Variants in BIRC6 observed in about 807,000 individuals in gnomAD.
The protein encoded by BIRC6 is baculoviral IAP repeat containing 6, also known as dual E2 ubiquitin-conjugating enzyme/E3 ubiquitin-protein ligase BIRC6.
In BIRC6, 98 loss-of-function variants were observed where a neutral mutation model predicts 503.3. The ratio of observed to expected loss-of-function variants is 0.19; its 90% CI spans 0.17 to 0.23. BIRC6 has a LOEUF of 0.23. Ranked by LOEUF, BIRC6 falls within the 10% of genes least tolerant of loss-of-function variation. BIRC6 has a pLI of 1.00. For missense variants in BIRC6, 5,360 were observed against 5,806.0 expected, an observed-to-expected ratio of 0.92 and a Z score of 2.50; for synonymous variants, 2,240 against 2,078.7, an observed-to-expected ratio of 1.08 and a Z score of -2.11.
intron 36 of BIRC6, 104 bp downstream of exon 36, chr2:32,478,922 C>G (rs976666527): frequency 7.3e-6 from 8 of 1,097,392 alleles, no homozygotes; most frequent in Admixed American, 5.2e-5. Context: ...TCTTTAACCC[C>G]CTAAAAGCAT....
intron 66 of BIRC6, among the ~76,000 whole-genome samples, chr2:32,592,109 G>A (rs546080249): frequency 6.6e-5 from 10 of 152,164 alleles, no homozygotes; most frequent in East Asian, 1.9e-4. Context: ...GTCTTCAGAC[G>A]TACACTATAC....
rs372162430 is a variant in BIRC6 at position 32,515,115 on chromosome 2, G to T, written c.10694G>T (p.Gly3565Val). ...NYFSLLMGWM[G>V]ITPPPVQCHH... ...TTTTCTTTGCTCATGGGCTGGATGG[G>T]AATTACCCCTCCTCCAGTGCAATGT... Residue 3565 changes from glycine to valine, a missense_variant, in exon 55 of 74, where the codon GGA becomes GTA. By Grantham distance (109) the Gly-to-Val change is moderately radical. Coordinates refer to ENST00000421745, the MANE Select transcript of BIRC6 (RefSeq NM_016252.4). The T allele has an allele frequency of 1.2e-6, 2 of 1,613,766 alleles. No individual in the cohort carries two copies. The highest frequency in any genetic ancestry group is 2.7e-5 in the African/African-American group (2 of 74,878).
intron 1 of BIRC6, among the ~76,000 whole-genome samples, chr2:32,371,629 C>T (rs796586026): frequency 2.8e-4 from 43 of 152,034 alleles, no homozygotes; most frequent in Admixed American, 6.6e-4. Flanking sequence ...GCAATCCGCC[C>T]GCCTCGGCCT....
At chr2:32,447,745 G>T (rs550780350) in intron 21 of BIRC6, among the ~76,000 whole-genome samples, 9 of 40,992 alleles carry the variant, frequency 2.2e-4, no homozygotes, top group African/African-American at 1.1e-3. Context: ...GACTGGCCGG[G>T]CAGAGGGGCT....
intron 65 of BIRC6, among the ~76,000 whole-genome samples, chr2:32,552,517 G>A (rs927829243): frequency 7.2e-5 from 11 of 152,266 alleles, no homozygotes; most frequent in African/African-American, 2.6e-4. Context: ...ATTGTTAGTT[G>A]TAAAATTATT....
In BIRC6 at chr2:32,357,821, G is replaced by GGA. The variant is rs538857485; in HGVS notation, c.325+339_325+340dup. On this transcript the variant is annotated intron_variant, in intron 1 of 73. Transcript: ENST00000421745. The surrounding 1 kb of genome is among the most constrained non-coding windows in gnomAD (Gnocchi z 4.9). The stretch of plus-strand genomic sequence containing the variant: ...AGGAAGCGAGGCCCGGGTAGGCCCT[G>GGA]GAGAGGCTGTCGGTCCTGCGTCCGG... Among the ~76,000 whole-genome samples, 72 of 152,252 alleles carry GGA rather than the reference G, an allele frequency of 4.7e-4. No homozygotes were observed. In the East Asian group the frequency reaches 0.012, roughly 25 times the overall value.
At chr2:32,616,560 CAA>C (rs201587938) in intron 73 of BIRC6, among the ~76,000 whole-genome samples, 689 of 99,078 alleles carry the variant, frequency 7.0e-3, no homozygotes, top group African/African-American at 0.02. Context: ...ACCTTGTTCT[CAA>C]AAAAAAAAAA....
At chr2:32,411,678 A>G (rs185967387) in intron 9 of BIRC6, among the ~76,000 whole-genome samples, 1 of 151,788 alleles carries the variant, frequency 6.6e-6, no homozygotes, top group Non-Finnish European at 1.5e-5. Flanking sequence ...GGGTTTCACC[A>G]TGTTGGAGAG....
intron 65 of BIRC6, among the ~76,000 whole-genome samples, chr2:32,568,113 A>G (rs944027625): frequency 2.0e-5 from 3 of 152,156 alleles, no homozygotes; most frequent in African/African-American, 7.2e-5. Context: ...CTCCGTCTCA[A>G]AAAACAAACA....
intron 56 of BIRC6, 129 bp from the exon 57 acceptor site, chr2:32,518,688 C>G: frequency 8.8e-7 from 1 of 1,138,450 alleles, no homozygotes; most frequent in Admixed American, 2.8e-5. Context: ...GCAACTATGC[C>G]ATATCTAAAT....
chr2:32,378,917 AG>A (rs2149383818), intron 2 of BIRC6: 1 of 152,328 alleles, frequency 6.6e-6, no homozygotes, highest in East Asian at 1.9e-4. Context: ...GCAGTTTGAA[AG>A]TACATTTTTC....
intron 32 of BIRC6, among the ~76,000 whole-genome samples, chr2:32,472,373 AAC>A (rs1261645293): frequency 6.6e-6 from 1 of 152,182 alleles, no homozygotes; most frequent in Non-Finnish European, 1.5e-5. Context: ...CTGGCTGAGA[AAC>A]AGTCTTGAAA....
At position 32,357,377 on chromosome 2, in the gene BIRC6, C is replaced by G; in HGVS notation, c.216C>G (p.Ser72Arg). The G allele has an allele frequency of 6.5e-7, 1 of 1,548,458 alleles. No homozygotes were observed. The change falls in exon 1 of 74, where the codon AGC becomes AGG. Residue 72 changes from serine (S) to arginine (R), a missense_variant. Physicochemically the swap from Ser to Arg is moderately radical, Grantham distance 110. Transcript: ENST00000421745. This position sits in a 1 kb window ranked among gnomAD's most constrained non-coding sequence, Gnocchi z 4.9. ...ACTGCGACGCCGACGGGCTGCACAG[C>G]CTGTCCTACCACCCTGCGCTCAACG... ...CMHCDADGLH[S>R]LSYHPALNAI...
At position 32,357,502 on chromosome 2, in the gene BIRC6, G is replaced by A; in HGVS notation, c.325+16G>A. The A allele has an allele frequency of 6.5e-7, 1 of 1,536,916 alleles. No individual in the cohort carries two copies. Among genetic ancestry groups the A allele is most frequent in the Non-Finnish European group, 8.8e-7 (1 of 1,142,232 alleles). Reference sequence around the variant, plus strand: ...GCGCTCAGTGGTGAGTCTTCCGCACGCCGGGCGGGCGCGAAGCCGGGGAAA... The same window carrying A: ...GCGCTCAGTGGTGAGTCTTCCGCACACCGGGCGGGCGCGAAGCCGGGGAAA... On this transcript the variant is annotated intron_variant, in intron 1 of 73. Transcript: ENST00000421745. The surrounding 1 kb of genome is among the most constrained non-coding windows in gnomAD (Gnocchi z 4.9).
intron 59 of BIRC6, 59 bp downstream of exon 59, chr2:32,525,687 ATCAG>A (rs2056207114): frequency 6.6e-7 from 1 of 1,515,730 alleles, no homozygotes; most frequent in Admixed American, 2.0e-5. Flanking sequence ...AACTATGTAA[ATCAG>A]AGGCACAGTC....
intron 64 of BIRC6, 114 bp downstream of exon 64, chr2:32,548,128 G>T: frequency 1.1e-6 from 1 of 912,330 alleles, no homozygotes; most frequent in Admixed American, 3.5e-5. Flanking sequence ...CCCACTTGTG[G>T]TCCTTCTTCC....
chr2:32,476,639 T>A (rs2049796536), intron 34 of BIRC6, among the ~76,000 whole-genome samples: 1 of 152,176 alleles, frequency 6.6e-6, no homozygotes, highest in Non-Finnish European at 1.5e-5. Context: ...TTATTTCCAT[T>A]TTACAATACA....
At chr2:32,452,281 CATT>C (rs1343125074) in intron 22 of BIRC6, among the ~76,000 whole-genome samples, 1 of 152,066 alleles carries the variant, frequency 6.6e-6, no homozygotes, top group Non-Finnish European at 1.5e-5. Context: ...ATAGGTAAAA[CATT>C]GTCACTTTTT....
intron 11 of BIRC6, 117 bp downstream of exon 11, chr2:32,429,412 T>C: frequency 2.7e-6 from 2 of 751,522 alleles, no homozygotes; most frequent in Non-Finnish European, 3.9e-6. Flanking sequence ...ACCTGTATGG[T>C]ATGTTACTCA....
Sources: allele counts gnomAD v4.1 joint callset (sites outside exome capture counted in the v4.1 genomes callset), GRCh38; gene constraint gnomAD v4.1.1; non-coding constraint Gnocchi (gnomAD v3.1); transcripts MANE v1.5; gene names NCBI Gene and HGNC (gene_info 2026-07-23, HGNC 2026-07-21).